Variants in ZSWIM6 observed in about 807,000 individuals in gnomAD.
ZSWIM6 encodes the protein zinc finger SWIM-type containing 6, also known as zinc finger SWIM domain-containing protein 6.
A neutral mutation model predicts 113.2 loss-of-function variants in ZSWIM6; 9 were observed. That is an observed-to-expected ratio of 0.08 (90% CI 0.05 to 0.14). ZSWIM6 has a LOEUF of 0.14. Ranked by LOEUF, ZSWIM6 falls within the 10% of genes least tolerant of loss-of-function variation. The probability of loss-of-function intolerance (pLI) is 1.00; values close to 1 mark genes in which losing one functional copy is unlikely to be tolerated. For synonymous variants in ZSWIM6, 611 were observed against 606.5 expected, an observed-to-expected ratio of 1.01 and a Z score of -0.11; for missense variants, 1,162 against 1,552.2, an observed-to-expected ratio of 0.75 and a Z score of 4.22.
chr5:61,450,067 G>A (rs1747055319), intron 1 of ZSWIM6, among the ~76,000 whole-genome samples: 1 of 152,110 alleles, frequency 6.6e-6, no homozygotes, highest in African/African-American at 2.4e-5. Flanking sequence ...GTTCCAAATT[G>A]ATATATCCCT....
chr5:61,447,145 T>A (rs780490539), intron 1 of ZSWIM6, among the ~76,000 whole-genome samples: 8 of 152,024 alleles, frequency 5.3e-5, no homozygotes, highest in Non-Finnish European at 1.0e-4. Flanking sequence ...CGTGAAAGCC[T>A]GGATACATGG....
intron 1 of ZSWIM6, among the ~76,000 whole-genome samples, chr5:61,455,748 A>G (rs1747193105): frequency 6.6e-6 from 1 of 152,066 alleles, no homozygotes. Context: ...TCATAATGAT[A>G]ACTTTGTGTC....
chr5:61,380,789 A>G (rs1434406794), intron 1 of ZSWIM6, among the ~76,000 whole-genome samples: 1 of 152,178 alleles, frequency 6.6e-6, no homozygotes, highest in East Asian at 1.9e-4. Flanking sequence ...CTGGTTTAGA[A>G]TTGTTACTAC....
intron 1 of ZSWIM6, among the ~76,000 whole-genome samples, chr5:61,433,760 C>G (rs1472475492): frequency 6.6e-6 from 1 of 151,964 alleles, no homozygotes; most frequent in Non-Finnish European, 1.5e-5. Context: ...CAGGCGTGAG[C>G]CACCGTGCCC....
chr5:61,502,249 G>A (rs1748487452), intron 4 of ZSWIM6, among the ~76,000 whole-genome samples: 4 of 152,164 alleles, frequency 2.6e-5, no homozygotes, highest in Admixed American at 6.5e-5. Flanking sequence ...GAAGGCTGAA[G>A]CAGCTCCTTA....
intron 13 of ZSWIM6, among the ~76,000 whole-genome samples, chr5:61,542,493 A>C (rs1749766791): frequency 6.6e-6 from 1 of 152,240 alleles, no homozygotes; most frequent in Non-Finnish European, 1.5e-5. Context: ...CCCAGCAAGA[A>C]TGCCAACAGA....
chr5:61,543,740 G>T lies in ZSWIM6; in HGVS notation c.3071G>T (p.Gly1024Val). 2 of 1,551,686 alleles carry T rather than the reference G, an allele frequency of 1.3e-6. No individual in the cohort carries two copies. Among genetic ancestry groups the T allele is most frequent in the Non-Finnish European group, 1.7e-6 (2 of 1,147,016 alleles). Residue 1024 changes from glycine (G) to valine (V), a missense_variant, in exon 14 of 14, where the codon GGC becomes GTC. By Grantham distance (109) the Gly-to-Val change is moderately radical. Around this residue, in one of 4 missense-constraint regions of ZSWIM6, gnomAD observed 620 missense variants for 804.6 expected, o/e 0.77. Coordinates refer to ENST00000252744, the MANE Select transcript of ZSWIM6 (RefSeq NM_020928.2). This position sits in a 1 kb window ranked among gnomAD's most constrained non-coding sequence, Gnocchi z 4.3. ...YQIVLDAATT[G>V]MSYTQLFTIA... is the part of the protein sequence containing the mutation. ...ATTGTTCTCGACGCTGCTACGACTG[G>T]CATGAGCTATACACAGCTCTTTACA... is the stretch of plus-strand genomic sequence containing the variant.
At chr5:61,333,260 G>A (rs1032651724) in intron 1 of ZSWIM6, among the ~76,000 whole-genome samples, 26 of 152,046 alleles carry the variant, frequency 1.7e-4, no homozygotes, top group African/African-American at 5.8e-4. Flanking sequence ...CTGGAGGGCT[G>A]TTCGCCGGTT....
At chr5:61,482,180 A>T (rs1199310177) in intron 2 of ZSWIM6, among the ~76,000 whole-genome samples, 1 of 152,222 alleles carries the variant, frequency 6.6e-6, no homozygotes, top group Non-Finnish European at 1.5e-5. Context: ...ATTTTATATA[A>T]GGCTTAGGCA....
At chr5:61,443,433 T>C (rs1746879842) in intron 1 of ZSWIM6, among the ~76,000 whole-genome samples, 1 of 152,172 alleles carries the variant, frequency 6.6e-6, no homozygotes, top group African/African-American at 2.4e-5. Context: ...CACTTCAGAT[T>C]TGAAGTCCAT....
intron 1 of ZSWIM6, among the ~76,000 whole-genome samples, chr5:61,415,390 C>A (rs889188372): frequency 6.6e-6 from 1 of 152,026 alleles, no homozygotes; most frequent in African/African-American, 2.4e-5. Context: ...GTCAGGAGAT[C>A]GAGGCCATCC....
intron 1 of ZSWIM6, among the ~76,000 whole-genome samples, chr5:61,342,702 G>T (rs1744572963): frequency 6.6e-6 from 1 of 151,990 alleles, no homozygotes; most frequent in Non-Finnish European, 1.5e-5. Flanking sequence ...CCAATTGAGA[G>T]GATTTATTTA....
chr5:61,393,051 A>T (rs1745757979), intron 1 of ZSWIM6, among the ~76,000 whole-genome samples: 1 of 149,940 alleles, frequency 6.7e-6, no homozygotes, highest in African/African-American at 2.5e-5. Context: ...TTATTTATTT[A>T]TTTTTTGAGA....
chr5:61,332,549 C>A lies in ZSWIM6; in HGVS notation c.277C>A (p.Arg93Ser). 1 of 1,357,458 alleles carries A rather than the reference C, an allele frequency of 7.4e-7. No homozygotes were observed. Among genetic ancestry groups the A allele is most frequent in the Non-Finnish European group, 9.7e-7 (1 of 1,027,714 alleles). The allele number at this position is 1,357,458 out of a possible 1,614,324, so 84.1% of individuals were successfully genotyped here. A position where few individuals can be genotyped will look rare whatever the true frequency, so the allele number is the denominator to read the frequency against. Residue 93 changes from arginine to serine, a missense_variant, in exon 1 of 14, where the codon CGC becomes AGC. Physicochemically the swap from Arg to Ser is moderately radical, Grantham distance 110. Around this residue, in one of 4 missense-constraint regions of ZSWIM6, gnomAD observed 333 missense variants for 293.4 expected, o/e 1.13. Transcript: ENST00000252744. The stretch of plus-strand genomic sequence containing the variant: ...GGTGGCGGAGAAGTGGCCGTTCCAG[C>A]GCGTGGAGGAGCGCTTTGAGCGCAT... ...RRVAEKWPFQ[R>S]VEERFERIPE...
chr5:61,392,008 C>G (rs1561219708), intron 1 of ZSWIM6: 16 of 400,960 alleles, frequency 4.0e-5, no homozygotes, highest in Non-Finnish European at 5.8e-5. Flanking sequence ...GATTGTATTT[C>G]CCTCATAGAT....
At chr5:61,408,655 A>T (rs774225852) in intron 1 of ZSWIM6, among the ~76,000 whole-genome samples, 1 of 152,208 alleles carries the variant, frequency 6.6e-6, no homozygotes, top group African/African-American at 2.4e-5. Flanking sequence ...GGTGTGATGC[A>T]GGTAAAGGAA....
In ZSWIM6 at chr5:61,391,787, C is replaced by G. The variant is rs1280645460; in HGVS notation, c.676+58839C>G. 4 of 937,786 alleles carry G rather than the reference C, an allele frequency of 4.3e-6. No individual in the cohort carries two copies. In the African/African-American group the frequency reaches 4.9e-5, roughly 11 times the overall value. 58.1% of individuals were successfully genotyped at this position (937,786 alleles called of 1,614,324 possible). ...GGGTCATCCTTAGGAAAGCTCTTCA[C>G]CTTCCCATGATGCTTCCTGCTGCGC... On this transcript the variant is annotated intron_variant, in intron 1 of 13. Transcript: ENST00000252744.
chr5:61,396,684 A>G (rs1561221738), intron 1 of ZSWIM6, among the ~76,000 whole-genome samples: 1 of 152,140 alleles, frequency 6.6e-6, no homozygotes, highest in East Asian at 1.9e-4. Flanking sequence ...TTTCATTCAT[A>G]TTGGCCTGGT....
chr5:61,493,770 T>C (rs1469886114), intron 3 of ZSWIM6, among the ~76,000 whole-genome samples: 1 of 152,190 alleles, frequency 6.6e-6, no homozygotes, highest in African/African-American at 2.4e-5. Context: ...CAGATTTTAC[T>C]TCTGTGGTTT....
Sources: gnomAD v4.1 joint callset for allele counts (sites outside exome capture counted in the v4.1 genomes callset) on GRCh38, gnomAD v4.1.1 for gene constraint, gnomAD v4.1.1 regional missense constraint, Gnocchi (gnomAD v3.1) non-coding constraint, MANE v1.5 for transcripts, NCBI Gene and HGNC (gene_info 2026-07-23, HGNC 2026-07-21) for gene names.